RRP12: variants seen among roughly 807,000 people sequenced by gnomAD.
RRP12 encodes ribosomal RNA processing 12 homolog.
A neutral mutation model predicts 157.3 loss-of-function variants in RRP12; 78 were observed. The ratio of observed to expected loss-of-function variants is 0.50; its 90% CI spans 0.41 to 0.60. RRP12 has a LOEUF of 0.60. Among genes scored for constraint, RRP12 ranks in the 20% least tolerant of loss-of-function variants. The probability of loss-of-function intolerance (pLI) is 0.00; values close to 1 mark genes in which losing one functional copy is unlikely to be tolerated. For synonymous variants in RRP12, 726 were observed against 670.9 expected, an observed-to-expected ratio of 1.08 and a Z score of -1.27; for missense variants, 1,521 against 1,679.9, an observed-to-expected ratio of 0.91 and a Z score of 1.65.
chr10:97,368,597 A>C (rs1844054463), intron 25 of RRP12, among the ~76,000 whole-genome samples: 1 of 152,160 alleles, frequency 6.6e-6, no homozygotes, highest in South Asian at 2.1e-4. Context: ...AACTCAAGTG[A>C]TCTGCCTGCC....
At chr10:97,380,778 C>T (rs1485609339) in intron 13 of RRP12, 21 bp downstream of exon 13, 9 of 1,577,498 alleles carry the variant, frequency 5.7e-6, no homozygotes, top group Non-Finnish European at 7.8e-6. Flanking sequence ...CCTGCCCTGG[C>T]CCCAGCCGCT....
intron 4 of RRP12, among the ~76,000 whole-genome samples, chr10:97,391,843 C>A (rs1016049093): frequency 2.6e-5 from 4 of 152,038 alleles, no homozygotes; most frequent in African/African-American, 9.7e-5. Flanking sequence ...ACGGTGTGAA[C>A]CCAGGAGGTG....
At chr10:97,363,993 CG>C in intron 29 of RRP12, 90 bp from the exon 30 acceptor site, 1 of 1,149,530 alleles carries the variant, frequency 8.7e-7, no homozygotes, top group Non-Finnish European at 1.3e-6. Flanking sequence ...CACCAGGCTG[CG>C]GGGCCACCAA....
At chr10:97,365,267 T>C (rs999934116) in intron 29 of RRP12, among the ~76,000 whole-genome samples, 3 of 144,132 alleles carry the variant, frequency 2.1e-5, no homozygotes, top group African/African-American at 7.6e-5. Context: ...CTTGAAGACC[T>C]AGGTGTTTTT....
At chr10:97,365,398 C>CT (rs1843947151) in intron 29 of RRP12, among the ~76,000 whole-genome samples, 1 of 151,672 alleles carries the variant, frequency 6.6e-6, no homozygotes, top group South Asian at 2.1e-4. Flanking sequence ...CTCAGCCTCC[C>CT]GAGTAGCTGG....
At chr10:97,400,193 T>G in intron 2 of RRP12, 112 bp downstream of exon 2, 1 of 792,880 alleles carries the variant, frequency 1.3e-6, no homozygotes, top group South Asian at 1.5e-5. Flanking sequence ...CGATGACGCA[T>G]CATCCAGAAA....
At chr10:97,391,361 C>T (rs11189193) in intron 4 of RRP12, among the ~76,000 whole-genome samples, 36,213 of 151,406 alleles carry the variant, frequency 0.24, 4,609 homozygotes, top group South Asian at 0.34. Flanking sequence ...AACCTGAGGT[C>T]GGGAGTTTGA....
chr10:97,392,196 T>C (rs1340704404), intron 4 of RRP12, among the ~76,000 whole-genome samples: 1 of 151,960 alleles, frequency 6.6e-6, no homozygotes, highest in Non-Finnish European at 1.5e-5. Flanking sequence ...GGTTTCGAAC[T>C]CCTGGGCTCA....
intron 2 of RRP12, among the ~76,000 whole-genome samples, chr10:97,399,353 A>G (rs987825435): frequency 3.9e-5 from 6 of 152,150 alleles, no homozygotes; most frequent in African/African-American, 1.4e-4. Context: ...TTTAAATTAC[A>G]TATGTGGCTT....
At chr10:97,378,220 A>G (rs1844363499) in intron 15 of RRP12, among the ~76,000 whole-genome samples, 1 of 152,200 alleles carries the variant, frequency 6.6e-6, no homozygotes, top group Admixed American at 6.5e-5. Flanking sequence ...CATATGATCT[A>G]CAGTCATGCA....
intron 15 of RRP12, 22 bp from the exon 16 acceptor site, chr10:97,373,916 G>C (rs770006018): frequency 6.2e-7 from 1 of 1,609,484 alleles, no homozygotes; most frequent in Non-Finnish European, 8.5e-7. Flanking sequence ...CAGAGGGACA[G>C]AGTGTGAGCC....
At chr10:97,373,232 C>T (rs1844209864) in intron 17 of RRP12, 32 bp from the exon 18 acceptor site, 1 of 1,608,794 alleles carries the variant, frequency 6.2e-7, no homozygotes. Flanking sequence ...GCACTAAAGG[C>T]ACAGGAGCTG....
At chr10:97,371,158 C>T in intron 20 of RRP12, 77 bp from the exon 21 acceptor site, 1 of 1,477,464 alleles carries the variant, frequency 6.8e-7, no homozygotes, top group Non-Finnish European at 9.2e-7. Flanking sequence ...TCCCCCAGCA[C>T]TGGAGGGATT....
At chr10:97,387,968 A>AAAAAAT in intron 8 of RRP12, 1 of 210,188 alleles carries the variant, frequency 4.8e-6, no homozygotes, top group African/African-American at 2.5e-5. Flanking sequence ...AAAAAAAAAA[A>AAAAAAT]TTGGTATAGG....
At chr10:97,360,701 C>A in intron 30 of RRP12, 83 bp from the exon 31 acceptor site, 1 of 1,024,038 alleles carries the variant, frequency 9.8e-7, no homozygotes, top group Non-Finnish European at 1.6e-6. Flanking sequence ...AGCAGAGTAC[C>A]CTGCATCAAG....
At chr10:97,393,481 G>A (rs1844867284) in intron 4 of RRP12, 1 of 690,536 alleles carries the variant, frequency 1.4e-6, no homozygotes, top group South Asian at 1.5e-5. Flanking sequence ...CAGGGGTTCA[G>A]GACAGCCTAG....
intron 29 of RRP12, among the ~76,000 whole-genome samples, chr10:97,364,924 G>T (rs1389736266): frequency 6.6e-6 from 1 of 152,138 alleles, no homozygotes; most frequent in Non-Finnish European, 1.5e-5. Flanking sequence ...CACCAAGGGG[G>T]ACAGGAGATG....
intron 11 of RRP12, 28 bp from the exon 12 acceptor site, chr10:97,381,511 G>T: frequency 6.4e-7 from 1 of 1,563,558 alleles, no homozygotes; most frequent in Non-Finnish European, 8.7e-7. Flanking sequence ...AGGCTTTCTG[G>T]GCCCAAGGCA....
chr10:97,373,013 C>G (rs748228626), intron 18 of RRP12, 33 bp downstream of exon 18: 9 of 1,583,698 alleles, frequency 5.7e-6, no homozygotes, highest in Non-Finnish European at 8.6e-7. Context: ...GAGAGCTCCC[C>G]TCCTCCCTCC....
Sources: gnomAD v4.1 joint callset for allele counts (sites outside exome capture counted in the v4.1 genomes callset) on GRCh38, gnomAD v4.1.1 for gene constraint, MANE v1.5 for transcripts, NCBI Gene and HGNC (gene_info 2026-07-23, HGNC 2026-07-21) for gene names.